The following UPP2 variants were observed in gnomAD, a reference collection of about 807,000 sequenced individuals.
UPP2 encodes uridine phosphorylase 2, also known as UPase 2.
UPP2 carries 23 observed loss-of-function variants against 26.7 expected under a neutral mutation model. The observed-to-expected ratio is 0.86, with a 90% confidence interval of 0.62 to 1.22. The LOEUF (loss-of-function observed/expected upper bound fraction) is 1.22, where lower values mean the gene tolerates loss of function less well. UPP2 is among the 50% of genes most tolerant of loss of function. The pLI is 0.00. For synonymous variants in UPP2, 127 were observed against 141.3 expected, an observed-to-expected ratio of 0.90 and a Z score of 0.72; for missense variants, 387 against 396.7, an observed-to-expected ratio of 0.98 and a Z score of 0.21.
chr2:158,109,251 C>T (rs138281915), intron 2 of UPP2, among the ~76,000 whole-genome samples: 82 of 152,256 alleles, frequency 5.4e-4, no homozygotes, highest in African/African-American at 2.0e-3. Flanking sequence ...GAAAGGAGAA[C>T]TCTGGGTGTA....
At position 158,016,426 on chromosome 2, in the gene UPP2, C is replaced by T. The variant is rs1199957778; in HGVS notation, c.147+540C>T. 4.6e-5 allele frequency among the ~76,000 whole-genome samples: 7 copies of T among 151,908 alleles called. No homozygotes were observed. The East Asian group carries it at 5.8e-4, about 13-fold the overall frequency. ...TGCTATCTCAGCTCACTGCAACCTC[C>T]ACCTCCTGGGTTCAAGCGATTCTCC... On this transcript the variant is annotated intron_variant, in intron 3 of 9. Transcript: ENST00000605860.
chr2:158,009,385 AAGGAATTTCAGAAAGAAACC>A (rs1558902168), intron 2 of UPP2, among the ~76,000 whole-genome samples: 1 of 152,160 alleles, frequency 6.6e-6, no homozygotes, highest in Non-Finnish European at 1.5e-5. Flanking sequence ...CATTTTGTAC[AAGGAATTTCAGAAAGAAACC>A]CTTACATAGA....
chr2:158,114,476 G>A (rs188264710), intron 2 of UPP2, among the ~76,000 whole-genome samples: 1 of 152,334 alleles, frequency 6.6e-6, no homozygotes, highest in African/African-American at 2.4e-5. Context: ...AAGGTAAAAT[G>A]TGAATAAAAC....
At position 158,130,343 on chromosome 2, in the gene UPP2, C is replaced by T. The variant is rs1453270883; in HGVS notation, c.812-4405C>T. ...GTGGGCATCTGTAGTCCCAGCTACTCGGGAGGCTGAGGGAGGAGAATGGCG... is the reference window on the plus strand; with the variant it reads ...GTGGGCATCTGTAGTCCCAGCTACTTGGGAGGCTGAGGGAGGAGAATGGCG... On this transcript the variant is annotated intron_variant, in intron 6 of 6. Coordinates refer to ENST00000005756, the MANE Select transcript of UPP2 (RefSeq NM_173355.4). 4.0e-5 allele frequency among the ~76,000 whole-genome samples: 6 copies of T among 150,768 alleles called. No homozygotes were observed. The East Asian group carries it at 7.9e-4, about 20-fold the overall frequency.
chr2:158,023,802 C>T (rs1484488134), intron 3 of UPP2, among the ~76,000 whole-genome samples: 1 of 152,120 alleles, frequency 6.6e-6, no homozygotes, highest in African/African-American at 2.4e-5. Context: ...TTAGAGGGTT[C>T]GACCGAAGTT....
intron 3 of UPP2, among the ~76,000 whole-genome samples, chr2:158,081,803 C>T (rs560716251): frequency 1.3e-5 from 2 of 149,930 alleles, no homozygotes; most frequent in African/African-American, 4.9e-5. Flanking sequence ...TTACCAGAGG[C>T]TAAAAGGGGT....
intron 2 of UPP2, among the ~76,000 whole-genome samples, chr2:158,012,222 G>T (rs1162772098): frequency 6.7e-6 from 1 of 149,554 alleles, no homozygotes; most frequent in Non-Finnish European, 1.5e-5. Context: ...TAAGCATGAG[G>T]AAGTTTCAAA....
chr2:158,073,796 G>A (rs1682583063), intron 3 of UPP2, among the ~76,000 whole-genome samples: 1 of 152,182 alleles, frequency 6.6e-6, no homozygotes, highest in Admixed American at 6.5e-5. Flanking sequence ...ACAGCTGAGG[G>A]ATTTTATCAA....
intron 2 of UPP2, among the ~76,000 whole-genome samples, chr2:158,008,207 T>C (rs186541750): frequency 7.9e-5 from 12 of 152,332 alleles, no homozygotes. Context: ...ATAAATATAT[T>C]CGTTCATGAA....
chr2:158,044,132 T>G lies in UPP2; in HGVS notation c.147+28246T>G, dbSNP rs905823802. Among the ~76,000 whole-genome samples the G allele has an allele frequency of 3.3e-5, 5 of 151,840 alleles. No individual in the cohort carries two copies. The South Asian group carries it at 8.3e-4, about 25-fold the overall frequency. On this transcript the variant is annotated intron_variant, in intron 3 of 9. Transcript: ENST00000605860. ...AACAGCTCAGAGTAAAGAAAATAAG[T>G]TGGATTGGAGGAAGCTTGGAAAAAT...
chr2:158,120,614 T>C (rs1683544647), intron 4 of UPP2, among the ~76,000 whole-genome samples: 1 of 152,018 alleles, frequency 6.6e-6, no homozygotes, highest in Non-Finnish European at 1.5e-5. Context: ...TTTATGAAGA[T>C]ATATCTTCTT....
chr2:158,016,927 G>A (rs1683668725), intron 3 of UPP2, among the ~76,000 whole-genome samples: 1 of 152,078 alleles, frequency 6.6e-6, no homozygotes, highest in African/African-American at 2.4e-5. Context: ...GCTCATTACA[G>A]GGCCATCTAT....
At chr2:158,074,774 G>A (rs1214437669) in intron 3 of UPP2, among the ~76,000 whole-genome samples, 1 of 148,090 alleles carries the variant, frequency 6.8e-6, no homozygotes, top group Admixed American at 6.8e-5. Flanking sequence ...ATCAATAATA[G>A]CATTGATTGC....
At chr2:158,116,921 G>A (rs1020655928) in intron 3 of UPP2, among the ~76,000 whole-genome samples, 15 of 149,400 alleles carry the variant, frequency 1.0e-4, no homozygotes, top group East Asian at 9.6e-4. Flanking sequence ...GCAGAGGTTC[G>A]AAGTTTCCAT....
chr2:158,121,453 T>G lies in UPP2; in HGVS notation c.499T>G (p.Ser167Ala). The G allele has an allele frequency of 6.2e-7, 1 of 1,613,494 alleles. No homozygotes were observed. The highest frequency in any genetic ancestry group is 8.5e-7 in the Non-Finnish European group (1 of 1,179,472). ...TGTAATAACGGATATAGCTGTAGAC[T>G]CCTTCTTTAAGCCCCGGTTTGAACA... is the stretch of plus-strand genomic sequence containing the variant. ...TVVITDIAVD[S>A]FFKPRFEQVI... Residue 167 changes from serine to alanine, a missense_variant, in exon 5 of 7, where the codon TCC becomes GCC. Physicochemically the swap from Ser to Ala is moderately conservative, Grantham distance 99. Coordinates refer to ENST00000005756, the MANE Select transcript of UPP2 (RefSeq NM_173355.4).
intron 3 of UPP2, among the ~76,000 whole-genome samples, chr2:158,054,009 C>A (rs1207186296): frequency 6.6e-6 from 1 of 152,146 alleles, no homozygotes; most frequent in East Asian, 1.9e-4. Context: ...TAAAAGTCTG[C>A]ATTTTTGAAA....
rs528672361 is a variant in UPP2, at chr2:158,062,183, C to T, written c.148-39857C>T. Among the ~76,000 whole-genome samples, 10 of 152,250 alleles carry T rather than the reference C, an allele frequency of 6.6e-5. No individual in the cohort carries two copies. In the East Asian group the frequency reaches 9.6e-4, roughly 15 times the overall value. ...TGTCTAATAGAACTTTCTATGATGA[C>T]GGAAACATTTTTTATTTGTGCTGTA... On this transcript the variant is annotated intron_variant, in intron 3 of 9. Transcript: ENST00000605860.
At chr2:158,011,506 G>A (rs1361299110) in intron 2 of UPP2, among the ~76,000 whole-genome samples, 1 of 152,122 alleles carries the variant, frequency 6.6e-6, no homozygotes, top group Non-Finnish European at 1.5e-5. Flanking sequence ...AAGTCTGATT[G>A]GCTTGTTTTG....
chr2:158,065,217 T>G (rs1171136302), intron 3 of UPP2, among the ~76,000 whole-genome samples: 2 of 152,162 alleles, frequency 1.3e-5, no homozygotes, highest in African/African-American at 4.8e-5. Flanking sequence ...CTGTAGAAAT[T>G]CATTACTACT....
Sources: gnomAD v4.1 joint callset for allele counts (sites outside exome capture counted in the v4.1 genomes callset) on GRCh38, gnomAD v4.1.1 for gene constraint, MANE v1.5 for transcripts, NCBI Gene and HGNC (gene_info 2026-07-23, HGNC 2026-07-21) for gene names.